Variants in DCAF8L2 observed in about 807,000 individuals in gnomAD.
The protein encoded by DCAF8L2 is DDB1 and CUL4 associated factor 8 like 2, also known as DDB1- and CUL4-associated factor 8-like protein 2.
For missense variants in DCAF8L2, 430 were observed against 490.7 expected (o/e 0.88, Z 1.17); for synonymous variants, 200 against 190.9 (o/e 1.05, Z -0.39).
intron 4 of DCAF8L2, among the ~76,000 whole-genome samples, chrX:27,732,491 CGCGT>C (rs745546916): frequency 1.1e-4 from 7 of 61,680 alleles, no homozygotes; most frequent in Admixed American, 1.5e-4. Flanking sequence ...TGTGTGTGTG[CGCGT>C]GTGTGTGTGT....
chrX:27,712,775 G>A (rs1437499396), intron 3 of DCAF8L2: 1 of 111,855 alleles, frequency 8.9e-6, no homozygotes, highest in Admixed American at 9.5e-5. Flanking sequence ...TTTGTCTAAT[G>A]TTTATAGCTC....
At chrX:27,679,413 C>G (rs888393039) in intron 3 of DCAF8L2, among the ~76,000 whole-genome samples, 3 of 111,256 alleles carry the variant, frequency 2.7e-5, no homozygotes, top group African/African-American at 6.5e-5. Context: ...GTAAGGCACT[C>G]TGGATGTATG....
chrX:27,673,690 C>T lies in DCAF8L2; in HGVS notation c.-219-4146C>T, dbSNP rs1040326963. On this transcript the variant is annotated intron_variant, in intron 2 of 4. Transcript: ENST00000451261. ...ATATACATATGTGTGTGTATATATA[C>T]GTGGTTGTGTGTATATATATATATA... is the stretch of plus-strand genomic sequence containing the variant. Among the ~76,000 whole-genome samples the T allele has an allele frequency of 7.5e-5, 8 of 107,117 alleles. No individual in the cohort carries two copies. In the South Asian group the frequency reaches 1.2e-3, roughly 16 times the overall value. The allele number at this position is 107,117 out of a possible 115,157, so 93.0% of individuals were successfully genotyped here.
intron 1 of DCAF8L2, among the ~76,000 whole-genome samples, chrX:27,600,196 C>T (rs774149000): frequency 9.0e-6 from 1 of 111,315 alleles, no homozygotes; most frequent in Non-Finnish European, 1.9e-5. Flanking sequence ...ATCATTGTGT[C>T]GATGTGTGTG....
chrX:27,734,359 C>T (rs145664245), intron 4 of DCAF8L2, among the ~76,000 whole-genome samples: 1 of 110,715 alleles, frequency 9.0e-6, no homozygotes, highest in East Asian at 2.8e-4. Context: ...TGTCCAAGCA[C>T]GTTAACAAAA....
the DCAF8L2 span, among the ~76,000 whole-genome samples, chrX:27,573,615 T>C: frequency 9.0e-6 from 1 of 111,446 alleles, no homozygotes; most frequent in Non-Finnish European, 1.9e-5. Flanking sequence ...CTTTAGGCTT[T>C]CTTAAACTAG....
intron 2 of DCAF8L2, among the ~76,000 whole-genome samples, chrX:27,666,973 C>T (rs1929760983): frequency 9.0e-6 from 1 of 111,567 alleles, no homozygotes; most frequent in Admixed American, 9.6e-5. Flanking sequence ...AATGCAGATT[C>T]TGATTTAGTA....
the DCAF8L2 span, among the ~76,000 whole-genome samples, chrX:27,512,778 G>GAAAAAAAAAAAAAAAAAAAAAAAAAAAA: frequency 4.0e-4 from 1 of 2,523 alleles, no homozygotes; most frequent in African/African-American, 2.5e-3. Context: ...ACAATCTTGA[G>GAAAAAAAAAAAAAAAAAAAAAAAAAAAA]CAAAAAAAAA....
At chrX:27,543,732 G>T in the DCAF8L2 span, among the ~76,000 whole-genome samples, 1 of 111,413 alleles carries the variant, frequency 9.0e-6, no homozygotes, top group African/African-American at 3.3e-5. Context: ...AGGAGCTCTG[G>T]TGTCTATGAC....
intron 4 of DCAF8L2, among the ~76,000 whole-genome samples, chrX:27,740,373 G>T: frequency 8.9e-6 from 1 of 112,055 alleles, no homozygotes; most frequent in East Asian, 2.8e-4. Flanking sequence ...TAGTACATCT[G>T]CTCTCTCTTC....
intron 3 of DCAF8L2, among the ~76,000 whole-genome samples, chrX:27,683,316 G>A (rs1292900366): frequency 8.9e-6 from 1 of 111,960 alleles, no homozygotes; most frequent in Non-Finnish European, 1.9e-5. Flanking sequence ...GGCATGAAGA[G>A]GGGTATGGTG....
intron 3 of DCAF8L2, among the ~76,000 whole-genome samples, chrX:27,701,980 G>C (rs1197046925): frequency 9.0e-6 from 1 of 110,739 alleles, no homozygotes; most frequent in Non-Finnish European, 1.9e-5. Flanking sequence ...CATTTATCAA[G>C]AAAAGAGAAG....
the DCAF8L2 span, among the ~76,000 whole-genome samples, chrX:27,580,748 A>G: frequency 3.2e-4 from 36 of 111,942 alleles, no homozygotes; most frequent in South Asian, 1.1e-3. Flanking sequence ...AAATGTTAGA[A>G]TAAATATTAA....
chrX:27,720,154 T>A (rs936033756), intron 4 of DCAF8L2, among the ~76,000 whole-genome samples: 10 of 111,191 alleles, frequency 9.0e-5, no homozygotes, highest in Non-Finnish European at 1.3e-4. Context: ...TTTCCCCTAT[T>A]GGAATACCTT....
chrX:27,610,412 T>C (rs753565676), intron 1 of DCAF8L2, among the ~76,000 whole-genome samples: 30 of 110,740 alleles, frequency 2.7e-4, no homozygotes, highest in African/African-American at 8.5e-4. Context: ...TGTGTGTGTG[T>C]GCGTGATGTT....
the DCAF8L2 span, among the ~76,000 whole-genome samples, chrX:27,579,157 C>T: frequency 8.9e-6 from 1 of 111,738 alleles, no homozygotes; most frequent in East Asian, 2.8e-4. Context: ...GAAATCAACC[C>T]AAATGCTCAT....
chrX:27,604,327 A>G lies in DCAF8L2; in HGVS notation c.-342+13887A>G, dbSNP rs188348397. 4.3e-4 allele frequency among the ~76,000 whole-genome samples: 48 copies of G among 111,075 alleles called. 1 individual carries two copies. Among genetic ancestry groups the G allele is most frequent in the Non-Finnish European group, 3.0e-4 (16 of 52,954 alleles). On this transcript the variant is annotated intron_variant, in intron 1 of 4. Transcript: ENST00000451261. ...TTCAATGCACAATAATAAATTACAT[A>G]CTTTAGGGCATTAAAGTGCCAGCCA...
chrX:27,626,417 G>A (rs1302011792), intron 1 of DCAF8L2, among the ~76,000 whole-genome samples: 1 of 111,951 alleles, frequency 8.9e-6, no homozygotes, highest in Non-Finnish European at 1.9e-5. Flanking sequence ...AGGAATCTGG[G>A]AATGTAGTTT....
the DCAF8L2 span, among the ~76,000 whole-genome samples, chrX:27,502,331 AAAAAATATATAT>A: frequency 2.0e-4 from 6 of 29,602 alleles, no homozygotes; most frequent in African/African-American, 8.0e-4. Context: ...AAAAAAAAAA[AAAAAATATATAT>A]ATATATATAT....
Sources: gnomAD v4.1 joint callset for allele counts (sites outside exome capture counted in the v4.1 genomes callset) on GRCh38, gnomAD v4.1.1 for gene constraint, MANE v1.5 for transcripts, NCBI Gene and HGNC (gene_info 2026-07-23, HGNC 2026-07-21) for gene names.